Variants in RNLS observed in about 807,000 individuals in gnomAD.
RNLS encodes the protein renalase, FAD dependent amine oxidase.
A neutral mutation model predicts 39.8 loss-of-function variants in RNLS; 39 were observed. The observed-to-expected ratio is 0.98, with a 90% CI of 0.76 to 1.28. The LOEUF (loss-of-function observed/expected upper bound fraction) is 1.28, where lower values mean the gene tolerates loss of function less well. Ranked by LOEUF, RNLS falls within the 50% of genes most tolerant of loss-of-function variation. RNLS has a pLI of 0.00. For synonymous variants in RNLS, 147 were observed against 150.7 expected, an observed-to-expected ratio of 0.98 and a Z score of 0.18; for missense variants, 410 against 413.3, an observed-to-expected ratio of 0.99 and a Z score of 0.07.
At chr10:88,448,113 T>C (rs1589811048) in intron 4 of RNLS, among the ~76,000 whole-genome samples, 1 of 152,030 alleles carries the variant, frequency 6.6e-6, no homozygotes, top group Non-Finnish European at 1.5e-5. Flanking sequence ...GACTTCATGT[T>C]TAAAACACCA....
intron 4 of RNLS, among the ~76,000 whole-genome samples, chr10:88,372,397 ACTAT>A (rs1405716688): frequency 6.6e-6 from 1 of 152,126 alleles, no homozygotes; most frequent in Non-Finnish European, 1.5e-5. Context: ...ATTGTAAAAG[ACTAT>A]CTAGCTATGT....
chr10:88,386,295 G>C (rs1184758382), intron 4 of RNLS, among the ~76,000 whole-genome samples: 6 of 152,182 alleles, frequency 3.9e-5, no homozygotes, highest in African/African-American at 7.2e-5. Context: ...TGCCATTAGA[G>C]AGTATTTTTT....
the RNLS span, among the ~76,000 whole-genome samples, chr10:88,222,773 G>T: frequency 6.6e-6 from 1 of 152,158 alleles, no homozygotes; most frequent in Non-Finnish European, 1.5e-5. Context: ...ACAAGACTGT[G>T]GGGAATTGAA....
At chr10:88,554,897 A>T (rs192243312) in intron 4 of RNLS, among the ~76,000 whole-genome samples, 2 of 152,158 alleles carry the variant, frequency 1.3e-5, no homozygotes, top group Admixed American at 1.3e-4. Context: ...ACTTGATCCA[A>T]CCTCATCTTC....
chr10:88,440,883 G>A (rs1295154506), intron 4 of RNLS, among the ~76,000 whole-genome samples: 2 of 152,192 alleles, frequency 1.3e-5, no homozygotes, highest in East Asian at 3.8e-4. Flanking sequence ...ATGCTTGAGG[G>A]AGGGGTGGAT....
intron 4 of RNLS, among the ~76,000 whole-genome samples, chr10:88,536,166 C>G (rs1394485809): frequency 1.3e-5 from 2 of 151,694 alleles, no homozygotes; most frequent in Admixed American, 6.6e-5. Flanking sequence ...AATAGTGGTA[C>G]CTCCCTCACA....
At chr10:88,271,890 C>A (rs199944070), downstream of RNLS, among the ~76,000 whole-genome samples, 1 of 152,352 alleles carries the variant, frequency 6.6e-6, no homozygotes, top group African/African-American at 2.4e-5. Context: ...GCGGCTCTAA[C>A]TCTGCCACGA....
At position 88,332,228 on chromosome 10, in the gene RNLS, T is replaced by G. The variant is rs75611802; in HGVS notation, c.701-17587A>C. Among the ~76,000 whole-genome samples the G allele has an allele frequency of 4.2e-3, 633 of 152,384 alleles. 5 individuals are homozygous for G. The highest frequency in any genetic ancestry group is 0.029 in the South Asian group (140 of 4,832). ...ATAACACTCCTCACCAAATATGTCC[T>G]GGGCAACTTTGTTACCTCCAACTTT... On this transcript the variant is annotated intron_variant, in intron 5 of 6. Transcript: ENST00000331772.
chr10:88,197,399 G>A, the RNLS span, among the ~76,000 whole-genome samples: 2 of 152,034 alleles, frequency 1.3e-5, no homozygotes, highest in Non-Finnish European at 2.9e-5. Flanking sequence ...CCTGGGGCCC[G>A]GCTGTTGGGT....
intron 4 of RNLS, among the ~76,000 whole-genome samples, chr10:88,565,177 G>C (rs981054214): frequency 9.2e-5 from 14 of 152,072 alleles, no homozygotes; most frequent in African/African-American, 3.4e-4. Context: ...ATGCAGTTTT[G>C]TGAATATTAT....
At chr10:88,360,806 G>A (rs575225115) in intron 5 of RNLS, among the ~76,000 whole-genome samples, 27 of 152,278 alleles carry the variant, frequency 1.8e-4, no homozygotes, top group Middle Eastern at 6.8e-3. Flanking sequence ...CTTGCTGCCA[G>A]TCCTCTGAGG....
chr10:88,491,659 T>C (rs1162356445), intron 4 of RNLS, among the ~76,000 whole-genome samples: 1 of 152,210 alleles, frequency 6.6e-6, no homozygotes, highest in Non-Finnish European at 1.5e-5. Flanking sequence ...CTGTATTAAA[T>C]GTATAATTAA....
chr10:88,426,787 A>T (rs1327864379), intron 4 of RNLS, among the ~76,000 whole-genome samples: 2 of 151,996 alleles, frequency 1.3e-5, no homozygotes, highest in Admixed American at 6.6e-5. Context: ...CCCTGTTCTT[A>T]ACCAGCACAT....
At chr10:88,316,938 C>G (rs1377956011) in intron 5 of RNLS, among the ~76,000 whole-genome samples, 1 of 152,022 alleles carries the variant, frequency 6.6e-6, no homozygotes, top group Non-Finnish European at 1.5e-5. Flanking sequence ...TACAAAGAGT[C>G]AAGCAGAATT....
chr10:88,428,366 C>T (rs752443471), intron 4 of RNLS, among the ~76,000 whole-genome samples: 2 of 151,696 alleles, frequency 1.3e-5, no homozygotes, highest in African/African-American at 2.4e-5. Flanking sequence ...ATTCATTTAC[C>T]TTTCTCAAAT....
At chr10:88,187,470 ATC>A in the RNLS span, among the ~76,000 whole-genome samples, 1 of 152,018 alleles carries the variant, frequency 6.6e-6, no homozygotes, top group Non-Finnish European at 1.5e-5. Flanking sequence ...TGCTCCCCAC[ATC>A]TCTCAGCCCC....
chr10:88,500,812 G>T (rs552145722), intron 4 of RNLS, among the ~76,000 whole-genome samples: 1 of 152,020 alleles, frequency 6.6e-6, no homozygotes. Context: ...ACCCCTTTAA[G>T]AGATTACTCA....
the RNLS span, among the ~76,000 whole-genome samples, chr10:88,240,367 C>A: frequency 0.025 from 3,807 of 151,354 alleles, 162 homozygotes; most frequent in African/African-American, 0.087. Flanking sequence ...TTTATTTTTC[C>A]TCTTGATATT....
the RNLS span, among the ~76,000 whole-genome samples, chr10:88,231,135 T>C: frequency 6.6e-6 from 1 of 152,244 alleles, no homozygotes; most frequent in Admixed American, 6.5e-5. Context: ...CAAATTCATA[T>C]GTTAAAGTCC....
Sources: allele counts gnomAD v4.1 joint callset (sites outside exome capture counted in the v4.1 genomes callset), GRCh38; gene constraint gnomAD v4.1.1; transcripts MANE v1.5; gene names NCBI Gene and HGNC (gene_info 2026-07-23, HGNC 2026-07-21).